RTN4RL1: variants seen among roughly 807,000 people sequenced by gnomAD.
RTN4RL1 encodes reticulon-4 receptor-like 1.
A neutral mutation model predicts 25.6 loss-of-function variants in RTN4RL1; 7 were observed. The ratio of observed to expected loss-of-function variants is 0.27; its 90% CI spans 0.16 to 0.51. The LOEUF (loss-of-function observed/expected upper bound fraction) is 0.51, where lower values mean the gene tolerates loss of function less well. RTN4RL1 is among the 20% of genes least tolerant of loss of function. The pLI, the probability that RTN4RL1 is intolerant of heterozygous loss-of-function variation, is 0.97. For missense variants in RTN4RL1, 500 were observed against 615.6 expected, an observed-to-expected ratio of 0.81 and a Z score of 1.99; for synonymous variants, 297 against 288.2, an observed-to-expected ratio of 1.03 and a Z score of -0.31.
chr17:2,000,346 TTTTG>T (rs960015423), intron 1 of RTN4RL1, among the ~76,000 whole-genome samples: 38 of 151,860 alleles, frequency 2.5e-4, no homozygotes, highest in African/African-American at 4.8e-4. Context: ...GGGTTCCAGT[TTTTG>T]TTTGTTTGTT....
At position 1,936,122 on chromosome 17, in the gene RTN4RL1, C is replaced by A. The variant is rs1915297699; in HGVS notation, c.*374G>T. On this transcript the variant is annotated 3_prime_UTR_variant, in exon 2 of 2. Coordinates refer to ENST00000331238, the MANE Select transcript of RTN4RL1 (RefSeq NM_178568.4). ...CCTGCTTTCTCCAGGAACCACGGGG[C>A]CCTCCAGACCTCTCGGAACGATCGG... 1 of 1,042,912 alleles carries A rather than the reference C, an allele frequency of 9.6e-7. No individual in the cohort carries two copies. Among genetic ancestry groups the A allele is most frequent in the Non-Finnish European group, 1.2e-6 (1 of 866,852 alleles). The allele number at this position is 1,042,912 out of a possible 1,614,324, so 64.6% of individuals were successfully genotyped here. A position where few individuals can be genotyped will look rare whatever the true frequency, so the allele number is the denominator to read the frequency against.
chr17:1,959,633 C>T (rs977200014), intron 1 of RTN4RL1, among the ~76,000 whole-genome samples: 1 of 152,100 alleles, frequency 6.6e-6, no homozygotes, highest in Admixed American at 6.5e-5. Context: ...AGCACGATCT[C>T]GGCTCACTGC....
intron 1 of RTN4RL1, among the ~76,000 whole-genome samples, chr17:1,975,188 G>A (rs1018483300): frequency 6.6e-6 from 1 of 152,206 alleles, no homozygotes; most frequent in Non-Finnish European, 1.5e-5. Context: ...GCAGAGAGGA[G>A]CTGTTCTACG....
intron 1 of RTN4RL1, among the ~76,000 whole-genome samples, chr17:2,005,739 T>C (rs199783037): frequency 5.5e-5 from 8 of 145,218 alleles, no homozygotes; most frequent in South Asian, 2.2e-4. Flanking sequence ...CTCTCTCTCT[T>C]TCTCTCTCTC....
intron 1 of RTN4RL1, among the ~76,000 whole-genome samples, chr17:1,981,721 G>A (rs2066868176): frequency 6.6e-6 from 1 of 152,162 alleles, no homozygotes; most frequent in South Asian, 2.1e-4. Context: ...CTGGACTGCT[G>A]TTCTCCCAGG....
At position 1,998,298 on chromosome 17, in the gene RTN4RL1, C is replaced by T. The variant is rs1379650764; in HGVS notation, c.13+26555G>A. Among the ~76,000 whole-genome samples, 1 of 152,194 alleles carries T rather than the reference C, an allele frequency of 6.6e-6. No homozygotes were observed. Among genetic ancestry groups the T allele is most frequent in the Non-Finnish European group, 1.5e-5 (1 of 68,008 alleles). On this transcript the variant is annotated intron_variant, in intron 1 of 1. Coordinates refer to ENST00000331238, the MANE Select transcript of RTN4RL1 (RefSeq NM_178568.4). This position sits in a 1 kb window ranked among gnomAD's most constrained non-coding sequence, Gnocchi z 4.9. Reference sequence around the variant, plus strand: ...CGCCCCAAGGCCTCCCGCAGGCCGACCCGAGCCGAGCGCGCCCTTTGGGCA... The same window carrying T: ...CGCCCCAAGGCCTCCCGCAGGCCGATCCGAGCCGAGCGCGCCCTTTGGGCA...
intron 1 of RTN4RL1, among the ~76,000 whole-genome samples, chr17:2,016,058 G>T (rs908902722): frequency 6.6e-6 from 1 of 152,110 alleles, no homozygotes; most frequent in South Asian, 2.1e-4. Flanking sequence ...CTGACATTAG[G>T]TACCATTTGA....
At chr17:2,021,828 T>A (rs1252923358) in intron 1 of RTN4RL1, among the ~76,000 whole-genome samples, 5 of 149,682 alleles carry the variant, frequency 3.3e-5, no homozygotes, top group Non-Finnish European at 7.4e-5. Flanking sequence ...GTGCTGGGAT[T>A]ACAGGTGTGA....
chr17:2,009,484 C>T (rs1241468079), intron 1 of RTN4RL1, among the ~76,000 whole-genome samples: 1 of 121,260 alleles, frequency 8.2e-6, no homozygotes, highest in Non-Finnish European at 1.7e-5. Context: ...CTCAGCTACT[C>T]GAGAGGCTGA....
chr17:1,961,301 C>T (rs910714422), intron 1 of RTN4RL1, among the ~76,000 whole-genome samples: 1 of 152,184 alleles, frequency 6.6e-6, no homozygotes, highest in Non-Finnish European at 1.5e-5. Context: ...GCTCAGCTGG[C>T]CTTCGGGGTG....
intron 1 of RTN4RL1, among the ~76,000 whole-genome samples, chr17:1,976,680 T>G (rs999924802): frequency 6.6e-6 from 1 of 152,138 alleles, no homozygotes; most frequent in Non-Finnish European, 1.5e-5. Flanking sequence ...ACCACTGCAG[T>G]TGGGGCTCAA....
chr17:1,985,760 T>C (rs1315190290), intron 1 of RTN4RL1, among the ~76,000 whole-genome samples: 2 of 152,076 alleles, frequency 1.3e-5, no homozygotes, highest in East Asian at 3.9e-4. Context: ...ATCCACCAAA[T>C]GAGCCCTGGA....
At chr17:2,009,179 G>A (rs4315372) in intron 1 of RTN4RL1, among the ~76,000 whole-genome samples, 53,203 of 152,020 alleles carry the variant, frequency 0.35, 9,643 homozygotes, top group East Asian at 0.55. Flanking sequence ...GGCAGGGTTC[G>A]CCGGGCTTGG....
At chr17:2,001,253 G>GT (rs890665607) in intron 1 of RTN4RL1, among the ~76,000 whole-genome samples, 11 of 147,844 alleles carry the variant, frequency 7.4e-5, no homozygotes, top group African/African-American at 1.5e-4. Flanking sequence ...GATCCTCTGG[G>GT]TTTTTTTTTG....
At chr17:1,956,889 G>A (rs1319261519) in intron 1 of RTN4RL1, among the ~76,000 whole-genome samples, 1 of 151,994 alleles carries the variant, frequency 6.6e-6, no homozygotes, top group African/African-American at 2.4e-5. Context: ...GATTACAGGC[G>A]TCCACCACCA....
rs1290982776 is a variant in RTN4RL1 at position 1,988,040 on chromosome 17, A to G, written c.13+36813T>C. On this transcript the variant is annotated intron_variant, in intron 1 of 1. Transcript: ENST00000331238. ...AGAATCACTTGAACCCAGGAAGTGG[A>G]GGTTGCAGTGAGCTGAGATCACACC... is the stretch of plus-strand genomic sequence containing the variant. 2.2e-4 allele frequency among the ~76,000 whole-genome samples: 34 copies of G among 151,956 alleles called. 2 individuals carry two copies. Among genetic ancestry groups the G allele is most frequent in the Admixed American group, 2.2e-3 (34 of 15,242 alleles).
intron 1 of RTN4RL1, among the ~76,000 whole-genome samples, chr17:1,940,336 C>A (rs1597485668): frequency 6.6e-6 from 1 of 152,208 alleles, no homozygotes. Context: ...CCTTTCTGGG[C>A]CAAGCCGTGC....
rs527895846 is a variant in RTN4RL1 at position 1,935,425 on chromosome 17, G to T, written c.*1071C>A. ...AGGCTTGTGTTGCATATAAAAACAA[G>T]GTGATGCTCTAAATATCTAAGAATA... On this transcript the variant is annotated 3_prime_UTR_variant, in exon 2 of 2. Coordinates refer to ENST00000331238, the MANE Select transcript of RTN4RL1 (RefSeq NM_178568.4). The T allele has an allele frequency of 4.6e-6, 2 of 435,398 alleles. No homozygotes were observed. Among genetic ancestry groups the T allele is most frequent in the East Asian group, 1.6e-4 (1 of 6,396 alleles). The allele number at this position is 435,398 out of a possible 1,614,324, so 27.0% of individuals were successfully genotyped here.
At chr17:2,012,026 G>A (rs577179773) in intron 1 of RTN4RL1, among the ~76,000 whole-genome samples, 2 of 152,254 alleles carry the variant, frequency 1.3e-5, no homozygotes, top group East Asian at 1.9e-4. Context: ...TCACAGATGG[G>A]AGCCAAGACA....
Sources: gnomAD v4.1 joint callset for allele counts (sites outside exome capture counted in the v4.1 genomes callset) on GRCh38, gnomAD v4.1.1 for gene constraint, Gnocchi (gnomAD v3.1) non-coding constraint, MANE v1.5 for transcripts, NCBI Gene and HGNC (gene_info 2026-07-23, HGNC 2026-07-21) for gene names.